The following RAP1GAP2 variants were observed in gnomAD, a reference collection of about 807,000 sequenced individuals.
RAP1GAP2 encodes the protein RAP1 GTPase activating protein 2.
Under a neutral mutation model 95.0 loss-of-function variants are expected in RAP1GAP2, and 27 were observed. That is an observed-to-expected ratio of 0.28 (90% confidence interval 0.21 to 0.39). The LOEUF (loss-of-function observed/expected upper bound fraction) is 0.39. Ranked by LOEUF, RAP1GAP2 falls within the 10% of genes least tolerant of loss-of-function variation. RAP1GAP2 has a pLI of 1.00. For missense variants in RAP1GAP2, 771 were observed against 970.0 expected, an observed-to-expected ratio of 0.79 and a Z score of 2.72; for synonymous variants, 373 against 380.9, an observed-to-expected ratio of 0.98 and a Z score of 0.24.
At chr17:2,912,108 G>A (rs887004815) in intron 3 of RAP1GAP2, among the ~76,000 whole-genome samples, 3 of 152,172 alleles carry the variant, frequency 2.0e-5, no homozygotes, top group African/African-American at 7.2e-5. Context: ...GGCTCTCCAC[G>A]GCCAGGGAAT....
intron 2 of RAP1GAP2, among the ~76,000 whole-genome samples, chr17:2,886,009 C>G (rs1449606060): frequency 6.6e-6 from 1 of 152,088 alleles, no homozygotes; most frequent in Non-Finnish European, 1.5e-5. Flanking sequence ...CTGGGGCCTC[C>G]TGCTCTGGGT....
chr17:2,957,350 G>C (rs573758491), intron 3 of RAP1GAP2, among the ~76,000 whole-genome samples: 1 of 152,234 alleles, frequency 6.6e-6, no homozygotes, highest in East Asian at 1.9e-4. Flanking sequence ...TCTGTATCAG[G>C]GTGTGGAACG....
Position 3,005,871 on chromosome 17 carries a change from G to C in RAP1GAP2, c.1273-84G>C. On this transcript the variant is annotated intron_variant, in intron 15 of 24. Coordinates refer to ENST00000254695, the MANE Select transcript of RAP1GAP2 (RefSeq NM_015085.5). This position sits in a 1 kb window ranked among gnomAD's most constrained non-coding sequence, Gnocchi z 5.2. ...TTCAGGGGTTCTCCCCATGGCCCCG[G>C]CTCTGCCTGCCTGTCACTGTGGCTG... is the stretch of plus-strand genomic sequence containing the variant. 7.6e-7 allele frequency: 1 copy of C among 1,321,258 alleles called. No individual in the cohort carries two copies. 81.8% of individuals were successfully genotyped at this position (1,321,258 alleles called of 1,614,324 possible). A position where few individuals can be genotyped will look rare whatever the true frequency, so the allele number is the denominator to read the frequency against.
At chr17:2,803,731 T>G (rs962543700) in intron 2 of RAP1GAP2, among the ~76,000 whole-genome samples, 1 of 151,974 alleles carries the variant, frequency 6.6e-6, no homozygotes, top group Non-Finnish European at 1.5e-5. Flanking sequence ...ATACAAAAAT[T>G]AGCCCAGTGT....
chr17:2,845,571 ACTT>A (rs1234366383), intron 2 of RAP1GAP2, among the ~76,000 whole-genome samples: 1 of 152,066 alleles, frequency 6.6e-6, no homozygotes, highest in South Asian at 2.1e-4. Context: ...TTGTTTTAAA[ACTT>A]CTTATCAGCT....
chr17:2,957,347 CAG>C (rs1398836695), intron 3 of RAP1GAP2, among the ~76,000 whole-genome samples: 1 of 152,154 alleles, frequency 6.6e-6, no homozygotes, highest in Non-Finnish European at 1.5e-5. Flanking sequence ...TTTTCTGTAT[CAG>C]GGTGTGGAAC....
chr17:2,871,438 G>A lies in RAP1GAP2; in HGVS notation c.81-33846G>A, dbSNP rs1597476529. Among the ~76,000 whole-genome samples, 1 of 152,146 alleles carries A rather than the reference G, an allele frequency of 6.6e-6. No individual in the cohort carries two copies. Among genetic ancestry groups the A allele is most frequent in the African/African-American group, 2.4e-5 (1 of 41,420 alleles). ...GATTGGCCCAGGGAGAGTCAGGGGC[G>A]CACTCTGGTCAGAGTGGTGTTGTGT... On this transcript the variant is annotated intron_variant, in intron 2 of 24. Transcript: ENST00000254695. This position sits in a 1 kb window ranked among gnomAD's most constrained non-coding sequence, Gnocchi z 5.0.
intron 1 of RAP1GAP2, among the ~76,000 whole-genome samples, chr17:2,769,332 G>A (rs1206735777): frequency 6.7e-6 from 1 of 148,522 alleles, no homozygotes; most frequent in African/African-American, 2.5e-5. Flanking sequence ...GAGGCGGGCG[G>A]ATCACGAGGT....
At chr17:2,960,145 C>CA (rs2044259131) in intron 4 of RAP1GAP2, among the ~76,000 whole-genome samples, 1 of 125,440 alleles carries the variant, frequency 8.0e-6, no homozygotes, top group Admixed American at 7.7e-5. Flanking sequence ...AAAAAAACAA[C>CA]AAAAAAAGAC....
At position 3,005,700 on chromosome 17, in the gene RAP1GAP2, C is replaced by T. The variant is rs974845761; in HGVS notation, c.1273-255C>T. 3.3e-5 allele frequency among the ~76,000 whole-genome samples: 5 copies of T among 152,132 alleles called. No individual in the cohort carries two copies. Among genetic ancestry groups the T allele is most frequent in the South Asian group, 2.1e-4 (1 of 4,830 alleles). On this transcript the variant is annotated intron_variant, in intron 15 of 24. Transcript: ENST00000254695. The surrounding 1 kb of genome is among the most constrained non-coding windows in gnomAD (Gnocchi z 5.2). ...AAAGACGGGCTTTTATGTTGAGCCCCGGTCAAGGAGCCTTGGGCAGGAATG... is the reference window on the plus strand; with the variant it reads ...AAAGACGGGCTTTTATGTTGAGCCCTGGTCAAGGAGCCTTGGGCAGGAATG...
chr17:2,880,946 G>T (rs1385462792), intron 2 of RAP1GAP2, among the ~76,000 whole-genome samples: 1 of 151,968 alleles, frequency 6.6e-6, no homozygotes, highest in Non-Finnish European at 1.5e-5. Flanking sequence ...GTCCAACATG[G>T]TGAAGCCCCA....
intron 8 of RAP1GAP2, among the ~76,000 whole-genome samples, chr17:2,971,934 G>C (rs1025790698): frequency 2.6e-5 from 4 of 152,202 alleles, no homozygotes; most frequent in Admixed American, 6.5e-5. Context: ...GTCGAATATA[G>C]ATGAGAAGAG....
rs1402859445 is a variant in RAP1GAP2, at chr17:2,903,160, C to G, written c.81-2124C>G. On this transcript the variant is annotated intron_variant, in intron 2 of 24. Transcript: ENST00000254695. This position sits in a 1 kb window ranked among gnomAD's most constrained non-coding sequence, Gnocchi z 4.1. ...TCCCTGCGTGCTTTTCCTTGCTGGG[C>G]TCCTAGCCTTACAGGGGAGCAGCTG... 6.6e-6 allele frequency among the ~76,000 whole-genome samples: 1 copy of G among 152,162 alleles called. No individual in the cohort carries two copies. The highest frequency in any genetic ancestry group is 6.5e-5 in the Admixed American group (1 of 15,280).
chr17:2,871,982 T>G lies in RAP1GAP2; in HGVS notation c.81-33302T>G, dbSNP rs2072865259. ...CTCACGCCTGGAATCTCAGCGCTTT[T>G]GGAGGCTGAGGTGGGTGAATCACCT... On this transcript the variant is annotated intron_variant, in intron 2 of 24. Coordinates refer to ENST00000254695, the MANE Select transcript of RAP1GAP2 (RefSeq NM_015085.5). This position sits in a 1 kb window ranked among gnomAD's most constrained non-coding sequence, Gnocchi z 5.0. Among the ~76,000 whole-genome samples the G allele has an allele frequency of 2.0e-5, 3 of 152,170 alleles. No individual in the cohort carries two copies. The South Asian group carries it at 6.2e-4, about 32-fold the overall frequency.
intron 1 of RAP1GAP2, among the ~76,000 whole-genome samples, chr17:2,784,195 G>A (rs1029960200): frequency 2.6e-5 from 4 of 151,978 alleles, no homozygotes; most frequent in Admixed American, 2.0e-4. Flanking sequence ...GGATGGTCTC[G>A]AATTCCTGAC....
At chr17:2,928,335 G>T (rs1039409876) in intron 3 of RAP1GAP2, among the ~76,000 whole-genome samples, 2 of 152,126 alleles carry the variant, frequency 1.3e-5, no homozygotes, top group African/African-American at 4.8e-5. Flanking sequence ...ACCTAATCCT[G>T]CAATCTGCTT....
intron 2 of RAP1GAP2, among the ~76,000 whole-genome samples, chr17:2,874,470 CT>C (rs2072998421): frequency 2.0e-5 from 3 of 151,868 alleles, no homozygotes; most frequent in African/African-American, 7.3e-5. Context: ...AAAGTCAGGG[CT>C]GAGATGACCT....
rs1372354949 is a variant in RAP1GAP2 at position 3,008,322 on chromosome 17, G to C, written c.1494+177G>C. 6.6e-6 allele frequency among the ~76,000 whole-genome samples: 1 copy of C among 152,172 alleles called. No homozygotes were observed. The highest frequency in any genetic ancestry group is 1.5e-5 in the Non-Finnish European group (1 of 68,040). On this transcript the variant is annotated intron_variant, in intron 17 of 24. Transcript: ENST00000254695. This position sits in a 1 kb window ranked among gnomAD's most constrained non-coding sequence, Gnocchi z 4.2. ...GGCAGGGCCGTTAGGAAGTGTGTGA[G>C]GCTGGAGCAGCCAGCAGTTTTCTCA...
At chr17:2,978,722 T>C (rs945395959) in intron 8 of RAP1GAP2, among the ~76,000 whole-genome samples, 2 of 143,852 alleles carry the variant, frequency 1.4e-5, no homozygotes, top group African/African-American at 4.9e-5. Context: ...TCACCTGAGG[T>C]CAGGAATTCG....
Sources: gnomAD v4.1 joint callset for allele counts (sites outside exome capture counted in the v4.1 genomes callset) on GRCh38, gnomAD v4.1.1 for gene constraint, Gnocchi (gnomAD v3.1) non-coding constraint, MANE v1.5 for transcripts, NCBI Gene and HGNC (gene_info 2026-07-23, HGNC 2026-07-21) for gene names.